The following MLLT10 variants were observed in gnomAD, a reference collection of about 807,000 sequenced individuals.
The protein encoded by MLLT10 is MLLT10 histone lysine methyltransferase DOT1L cofactor.
A neutral mutation model predicts 129.1 loss-of-function variants in MLLT10; 30 were observed. That is an observed-to-expected ratio of 0.23 (90% CI 0.17 to 0.32). The LOEUF is 0.32. MLLT10 is among the 10% of genes least tolerant of loss of function. The probability of loss-of-function intolerance (pLI) is 1.00; values close to 1 mark genes in which losing one functional copy is unlikely to be tolerated. For missense variants in MLLT10, 1,119 were observed against 1,268.3 expected, an observed-to-expected ratio of 0.88 and a Z score of 1.79; for synonymous variants, 490 against 446.4, an observed-to-expected ratio of 1.10 and a Z score of -1.23.
At position 21,617,147 on chromosome 10, in the gene MLLT10, T is replaced by C. The variant is rs1800440154; in HGVS notation, c.639T>C (p.Asp213=). Residue 213 remains aspartate, a synonymous_variant, in exon 8 of 23, where the codon GAT becomes GAC. Transcript: ENST00000307729. ...AACGGGGATCTAATAGGTCATATGA[T>C]CAAAGTTTAAGTGATTCTTCCTCTC... ...KSKRGSNRSY[D]QSLSDSSSHS... The C allele has an allele frequency of 3.2e-6, 5 of 1,541,042 alleles. No homozygotes were observed. Among genetic ancestry groups the C allele is most frequent in the Non-Finnish European group, 4.4e-6 (5 of 1,140,052 alleles).
chr10:21,673,300 G>GGGGC, intron 10 of MLLT10, 50 bp from the exon 11 acceptor site: 30 of 655,064 alleles, frequency 4.6e-5, no homozygotes, highest in East Asian at 1.2e-4. Context: ...CAATTTTTCT[G>GGGGC]TCCCCCCCAC....
chr10:21,623,764 C>T (rs1006136771), intron 8 of MLLT10, among the ~76,000 whole-genome samples: 1 of 152,214 alleles, frequency 6.6e-6, no homozygotes, highest in Non-Finnish European at 1.5e-5. Flanking sequence ...AACCTCACTT[C>T]TATCCCACTC....
At chr10:21,558,396 G>C (rs1309868633) in intron 3 of MLLT10, among the ~76,000 whole-genome samples, 1 of 151,916 alleles carries the variant, frequency 6.6e-6, no homozygotes. Context: ...GGTGCAGTGA[G>C]CTATGATCAT....
chr10:21,716,539 C>A (rs187374632), intron 14 of MLLT10, among the ~76,000 whole-genome samples: 2 of 151,868 alleles, frequency 1.3e-5, no homozygotes, highest in African/African-American at 4.8e-5. Flanking sequence ...CTAAAAAATT[C>A]AAAAATTAGC....
At chr10:21,573,413 A>G (rs182746361) in intron 3 of MLLT10, among the ~76,000 whole-genome samples, 12 of 152,326 alleles carry the variant, frequency 7.9e-5, no homozygotes, top group Admixed American at 7.2e-4. Flanking sequence ...ATGCCATGCC[A>G]TGGAGAATAC....
chr10:21,634,321 T>C (rs2047265238), intron 8 of MLLT10, among the ~76,000 whole-genome samples: 1 of 152,230 alleles, frequency 6.6e-6, no homozygotes. Context: ...GTTGCTCAGC[T>C]GGGATTTGTC....
chr10:21,724,579 T>A lies in MLLT10; in HGVS notation c.1879-1665T>A, dbSNP rs79840928. On this transcript the variant is annotated intron_variant, in intron 14 of 22. Transcript: ENST00000307729. ...GATTTTAGTTTATAAAAGCTTCAGT[T>A]TGATTTCATTCATGAAAAAGAAGAA... 4.9e-3 allele frequency among the ~76,000 whole-genome samples: 750 copies of A among 152,368 alleles called. 3 individuals carry two copies. Among genetic ancestry groups the A allele is most frequent in the African/African-American group, 0.017 (696 of 41,584 alleles).
In MLLT10 at chr10:21,544,501, C is replaced by A. The variant is rs1040751351; in HGVS notation, c.240+5589C>A. On this transcript the variant is annotated intron_variant, in intron 3 of 22. Coordinates refer to ENST00000307729, the MANE Select transcript of MLLT10 (RefSeq NM_001195626.3). The stretch of plus-strand genomic sequence containing the variant: ...GACCTGGCAGTACCCTGACAGATAC[C>A]GAACAGTAAAGATTCAGAAAAGTAA... Among the ~76,000 whole-genome samples, 3 of 151,940 alleles carry A rather than the reference C, an allele frequency of 2.0e-5. No individual in the cohort carries two copies. In the East Asian group the frequency reaches 5.8e-4, roughly 29 times the overall value.
In MLLT10 at chr10:21,730,916, T is replaced by G; in HGVS notation, c.2080T>G (p.Leu694Val). 1 of 1,614,158 alleles carries G rather than the reference T, an allele frequency of 6.2e-7. No homozygotes were observed. Among genetic ancestry groups the G allele is most frequent in the Non-Finnish European group, 8.5e-7 (1 of 1,180,026 alleles). The change falls in exon 17 of 23, where the codon TTA (leucine) becomes GTA (valine). Residue 694 changes from leucine (L) to valine (V), a missense_variant. Coordinates refer to ENST00000307729, the MANE Select transcript of MLLT10 (RefSeq NM_001195626.3). Reference protein sequence around the residue: ...SLSPRSPVSSLQIRYDQPGNS... With the variant: ...SLSPRSPVSSVQIRYDQPGNS... ...TTTCAACAGATCCCCTGTAAGCAGC[T>G]TACAGATTCGCTATGATCAACCAGG...
chr10:21,555,324 G>A lies in MLLT10; in HGVS notation c.240+16412G>A, dbSNP rs557736027. 2.0e-4 allele frequency among the ~76,000 whole-genome samples: 30 copies of A among 152,266 alleles called. No individual in the cohort carries two copies. The South Asian group carries it at 3.3e-3, about 17-fold the overall frequency. The stretch of plus-strand genomic sequence containing the variant: ...TGCAGTCCCCACCTCCTGGATTCAA[G>A]CAATTCTCCCTTCTCAGCCTCCTCA... On this transcript the variant is annotated intron_variant, in intron 3 of 22. Coordinates refer to ENST00000307729, the MANE Select transcript of MLLT10 (RefSeq NM_001195626.3).
chr10:21,538,476 T>A (rs990739600), intron 2 of MLLT10, among the ~76,000 whole-genome samples: 22 of 146,284 alleles, frequency 1.5e-4, no homozygotes, highest in East Asian at 5.9e-4. Flanking sequence ...TTAAAAAAAA[T>A]TTTTTTTTTT....
chr10:21,570,364 C>T (rs1472294325), intron 3 of MLLT10, among the ~76,000 whole-genome samples: 5 of 152,040 alleles, frequency 3.3e-5, no homozygotes, highest in African/African-American at 9.7e-5. Context: ...TGAGCCACTG[C>T]GCTCAGCCAC....
chr10:21,665,671 G>A (rs938721257), intron 9 of MLLT10, among the ~76,000 whole-genome samples: 11 of 152,068 alleles, frequency 7.2e-5, no homozygotes, highest in Admixed American at 2.0e-4. Context: ...TAATTGGGGT[G>A]TTTAGAGAAT....
At chr10:21,711,305 C>G (rs1484034229) in intron 13 of MLLT10, among the ~76,000 whole-genome samples, 1 of 152,118 alleles carries the variant, frequency 6.6e-6, no homozygotes, top group Non-Finnish European at 1.5e-5. Flanking sequence ...TGCCTGTAAT[C>G]CCAGCTACTA....
At chr10:21,696,056 C>T (rs1375410911) in intron 13 of MLLT10, among the ~76,000 whole-genome samples, 1 of 151,494 alleles carries the variant, frequency 6.6e-6, no homozygotes, top group Non-Finnish European at 1.5e-5. Context: ...TCCATCCATC[C>T]ATTAGAGGCA....
chr10:21,630,194 CAA>C (rs918697722), intron 8 of MLLT10, among the ~76,000 whole-genome samples: 7 of 152,084 alleles, frequency 4.6e-5, no homozygotes, highest in African/African-American at 1.7e-4. Flanking sequence ...GCGTTATTTT[CAA>C]AAGTGTTTAA....
At chr10:21,566,517 G>A (rs1463669041) in intron 3 of MLLT10, among the ~76,000 whole-genome samples, 1 of 151,498 alleles carries the variant, frequency 6.6e-6, no homozygotes, top group African/African-American at 2.4e-5. Context: ...TAGTAGAGAT[G>A]GGGTTTCACC....
intron 4 of MLLT10, among the ~76,000 whole-genome samples, chr10:21,587,822 A>G (rs1368964553): frequency 6.6e-6 from 1 of 152,208 alleles, no homozygotes; most frequent in African/African-American, 2.4e-5. Flanking sequence ...ATTTAAAAAT[A>G]TGTTGAAAAC....
At chr10:21,671,535 C>T (rs549967572) in intron 10 of MLLT10, among the ~76,000 whole-genome samples, 4 of 152,140 alleles carry the variant, frequency 2.6e-5, no homozygotes, top group Admixed American at 6.5e-5. Flanking sequence ...TGCCTGTAAT[C>T]CCAGTATTAT....
Sources: allele counts gnomAD v4.1 joint callset (sites outside exome capture counted in the v4.1 genomes callset), GRCh38; gene constraint gnomAD v4.1.1; transcripts MANE v1.5; gene names NCBI Gene and HGNC (gene_info 2026-07-23, HGNC 2026-07-21).